Variants in SRR observed in about 807,000 individuals in gnomAD.
The protein encoded by SRR is D-serine ammonia-lyase.
A neutral mutation model predicts 32.7 loss-of-function variants in SRR; 19 were observed. That is an observed-to-expected ratio of 0.58 (90% CI 0.40 to 0.85). The LOEUF is 0.85. Ranked by LOEUF, SRR falls within the 40% of genes least tolerant of loss-of-function variation. The pLI is 0.00. For synonymous variants in SRR, 142 were observed against 140.9 expected (o/e 1.01, Z -0.06); for missense variants, 373 against 404.7 (o/e 0.92, Z 0.67).
intron 1 of SRR, among the ~76,000 whole-genome samples, chr17:2,311,603 T>C (rs2075434460): frequency 6.6e-6 from 1 of 152,134 alleles, no homozygotes; most frequent in Non-Finnish European, 1.5e-5. Flanking sequence ...ATCATGCCAA[T>C]GCACTCCAGC....
intron 1 of SRR, among the ~76,000 whole-genome samples, chr17:2,313,190 G>C (rs2075445336): frequency 2.0e-5 from 3 of 152,206 alleles, no homozygotes; most frequent in Admixed American, 6.5e-5. Flanking sequence ...AGCACTTTGG[G>C]AGGCTGAGCC....
chr17:2,305,940 C>T (rs1295469052), intron 1 of SRR, among the ~76,000 whole-genome samples: 1 of 151,318 alleles, frequency 6.6e-6, no homozygotes, highest in Non-Finnish European at 1.5e-5. Flanking sequence ...CTCAGGTGAT[C>T]CACCCGCCTC....
At chr17:2,310,071 GGTTT>G (rs896860343) in intron 1 of SRR, 1 of 151,800 alleles carries the variant, frequency 6.6e-6, no homozygotes, top group African/African-American at 2.4e-5. Flanking sequence ...CCCTTACCAT[GGTTT>G]GTTCATTTCT....
chr17:2,318,136 G>GTTT, intron 3 of SRR, 140 bp downstream of exon 3: 1 of 925,344 alleles, frequency 1.1e-6, no homozygotes, highest in Non-Finnish European at 1.5e-6. Flanking sequence ...ATGAACATAA[G>GTTT]TTTTTTTTTT....
chr17:2,318,981 G>A, intron 4 of SRR, 52 bp downstream of exon 4: 4 of 1,284,918 alleles, frequency 3.1e-6, no homozygotes, highest in Non-Finnish European at 4.5e-6. Context: ...TTGACCAATG[G>A]CTCTTTCTAC....
In SRR at chr17:2,324,345, C is replaced by A; in HGVS notation, c.*472C>A. On this transcript the variant is annotated 3_prime_UTR_variant, in exon 8 of 8. Coordinates refer to ENST00000344595, the MANE Select transcript of SRR (RefSeq NM_021947.3). ...GTGTCTTGAGATTTTAGCTTCCCAT[C>A]AAAGCTGCATTTCATGTGGCCATGG... The A allele has an allele frequency of 6.4e-7, 1 of 1,563,536 alleles. No homozygotes were observed. Among genetic ancestry groups the A allele is most frequent in the Non-Finnish European group, 8.6e-7 (1 of 1,158,690 alleles).
At chr17:2,303,479 T>G, upstream of SRR, 1 of 1,321,546 alleles carries the variant, frequency 7.6e-7, no homozygotes, top group Non-Finnish European at 9.6e-7. Context: ...GCGAGAGAGG[T>G]AGGGCAGCGA....
At chr17:2,303,455 C>A, upstream of SRR, 2 of 1,314,432 alleles carry the variant, frequency 1.5e-6, no homozygotes, top group East Asian at 3.1e-5. Context: ...CCGAGCCCGA[C>A]CCCGCACTAA....
intron 1 of SRR, among the ~76,000 whole-genome samples, chr17:2,314,812 A>C (rs74702600): frequency 6.6e-6 from 1 of 151,940 alleles, no homozygotes; most frequent in East Asian, 1.9e-4. Context: ...TAGTTATTTA[A>C]ATGGAATAGT....
chr17:2,325,014 T>C lies in SRR; in HGVS notation c.*1141T>C. 1.6e-6 allele frequency: 1 copy of C among 645,072 alleles called. No individual in the cohort carries two copies. The highest frequency in any genetic ancestry group is 2.6e-6 in the Non-Finnish European group (1 of 389,416). The allele number at this position is 645,072 out of a possible 1,614,324, so 40.0% of individuals were successfully genotyped here. A position where few individuals can be genotyped will look rare whatever the true frequency, so the allele number is the denominator to read the frequency against. ...TTGTCAATAGGTTCTTGAAAACTTG[T>C]ACTTCAAGAGAAATGATGTATAACA... On this transcript the variant is annotated 3_prime_UTR_variant, in exon 8 of 8. Transcript: ENST00000344595.
intron 1 of SRR, among the ~76,000 whole-genome samples, chr17:2,305,576 CT>C (rs2075382734): frequency 2.6e-5 from 4 of 152,150 alleles, no homozygotes; most frequent in Middle Eastern, 3.2e-3. Context: ...AGAAAATTTA[CT>C]ACGTTGGTGG....
At chr17:2,323,451 AC>A in intron 7 of SRR, 106 bp downstream of exon 7, 1 of 1,325,098 alleles carries the variant, frequency 7.5e-7, no homozygotes, top group Non-Finnish European at 1.1e-6. Context: ...TGACTAGGTA[AC>A]TTCATGACAT....
At chr17:2,304,711 C>A (rs2075369973) in intron 1 of SRR, among the ~76,000 whole-genome samples, 1 of 151,360 alleles carries the variant, frequency 6.6e-6, no homozygotes, top group African/African-American at 2.4e-5. Context: ...GCCGAGATCG[C>A]GCCACTGCAC....
chr17:2,312,269 AT>A (rs1358176621), intron 1 of SRR, among the ~76,000 whole-genome samples: 1 of 152,018 alleles, frequency 6.6e-6, no homozygotes, highest in African/African-American at 2.4e-5. Context: ...ACACAAAAAA[AT>A]GTTCAATCAC....
chr17:2,317,680 C>G (rs2075487884), intron 2 of SRR, among the ~76,000 whole-genome samples, 190 bp from the exon 3 acceptor site: 1 of 151,888 alleles, frequency 6.6e-6, no homozygotes, highest in African/African-American at 2.4e-5. Context: ...TGCACTCCAG[C>G]CGGGATAACG....
In SRR at chr17:2,325,025, A is replaced by C. The variant is rs1007355330; in HGVS notation, c.*1152A>C. Reference sequence around the variant, plus strand: ...TTCTTGAAAACTTGTACTTCAAGAGAAATGATGTATAACAAAACCATACTT... The same window carrying C: ...TTCTTGAAAACTTGTACTTCAAGAGCAATGATGTATAACAAAACCATACTT... On this transcript the variant is annotated 3_prime_UTR_variant, in exon 8 of 8. Coordinates refer to ENST00000344595, the MANE Select transcript of SRR (RefSeq NM_021947.3). 5 of 629,126 alleles carry C rather than the reference A, an allele frequency of 7.9e-6. No homozygotes were observed. The highest frequency in any genetic ancestry group is 1.3e-5 in the Non-Finnish European group (5 of 375,456). The allele number at this position is 629,126 out of a possible 1,614,324, so 39.0% of individuals were successfully genotyped here. A position where few individuals can be genotyped will look rare whatever the true frequency, so the allele number is the denominator to read the frequency against.
chr17:2,307,234 G>A (rs146784517), intron 1 of SRR: 13,610 of 1,266,588 alleles, frequency 0.011, 246 homozygotes, highest in South Asian at 0.048. Context: ...TCATGACTCC[G>A]TGGATAAGAC....
At chr17:2,314,322 G>A (rs374322988) in intron 1 of SRR, among the ~76,000 whole-genome samples, 3 of 152,136 alleles carry the variant, frequency 2.0e-5, no homozygotes, top group African/African-American at 4.8e-5. Flanking sequence ...GGTGGCTCAC[G>A]CCTGTAATCC....
chr17:2,315,557 A>C lies in SRR; in HGVS notation c.-4A>C. 1 of 1,607,442 alleles carries C rather than the reference A, an allele frequency of 6.2e-7. No homozygotes were observed. The highest frequency in any genetic ancestry group is 1.3e-5 in the African/African-American group (1 of 74,668). On this transcript the variant is annotated splice_region_variant and 5_prime_UTR_variant, in exon 2 of 8. Transcript: ENST00000344595. ...CCCCTTTCTTATTCCTGGGTTTCAGAACCATGTGTGCTCAGTATTGCATCT... is the reference window on the plus strand; with the variant it reads ...CCCCTTTCTTATTCCTGGGTTTCAGCACCATGTGTGCTCAGTATTGCATCT...
Sources: gnomAD v4.1 joint callset for allele counts (sites outside exome capture counted in the v4.1 genomes callset) on GRCh38, gnomAD v4.1.1 for gene constraint, MANE v1.5 for transcripts, NCBI Gene and HGNC (gene_info 2026-07-23, HGNC 2026-07-21) for gene names.